The following IGF1R variants were observed in gnomAD, a reference collection of about 807,000 sequenced individuals.
IGF1R encodes insulin-like growth factor 1 receptor.
Under a neutral mutation model 144.6 loss-of-function variants are expected in IGF1R, and 44 were observed. That is an observed-to-expected ratio of 0.30 (90% CI 0.24 to 0.39). The LOEUF (loss-of-function observed/expected upper bound fraction) is 0.39. IGF1R is among the 10% of genes least tolerant of loss of function. The probability of loss-of-function intolerance (pLI) is 1.00; values close to 1 mark genes in which losing one functional copy is unlikely to be tolerated. For missense variants in IGF1R, 1,355 were observed against 1,833.7 expected (o/e 0.74, Z 4.77); for synonymous variants, 795 against 722.8 (o/e 1.10, Z -1.60).
At chr15:98,914,295 T>G (rs937835118) in intron 8 of IGF1R, among the ~76,000 whole-genome samples, 30 of 152,248 alleles carry the variant, frequency 2.0e-4, no homozygotes, top group African/African-American at 7.2e-4. Flanking sequence ...ATTCACTCTA[T>G]AGCACTGATA....
chr15:98,850,106 A>G (rs143795905), intron 2 of IGF1R, among the ~76,000 whole-genome samples: 2 of 152,340 alleles, frequency 1.3e-5, no homozygotes, highest in Non-Finnish European at 2.9e-5. Context: ...TTCAAATGGC[A>G]AAAGATGAAA....
intron 1 of IGF1R, among the ~76,000 whole-genome samples, chr15:98,661,339 A>G (rs1596151271): frequency 6.6e-6 from 1 of 152,262 alleles, no homozygotes; most frequent in South Asian, 2.1e-4. Flanking sequence ...CGACCTCTGG[A>G]CAGAAGAAAG....
chr15:98,920,543 A>G (rs1046117852), intron 10 of IGF1R, among the ~76,000 whole-genome samples: 1 of 152,186 alleles, frequency 6.6e-6, no homozygotes, highest in Non-Finnish European at 1.5e-5. Context: ...AAATTTGTTG[A>G]TGATGTGTTG....
chr15:98,945,110 T>G (rs1243934001), intron 19 of IGF1R, among the ~76,000 whole-genome samples: 1 of 152,234 alleles, frequency 6.6e-6, no homozygotes, highest in African/African-American at 2.4e-5. Flanking sequence ...AAGGGTGCCC[T>G]CTAGGCATGG....
At chr15:98,923,424 C>T (rs770371642) in intron 11 of IGF1R, among the ~76,000 whole-genome samples, 16 of 152,248 alleles carry the variant, frequency 1.1e-4, no homozygotes, top group African/African-American at 1.9e-4. Context: ...CTGTCACAGC[C>T]GGCAGGCCCC....
In IGF1R at chr15:98,934,854, G is replaced by A. The variant is rs750083612; in HGVS notation, c.2987G>A (p.Arg996Gln). The change falls in exon 16 of 21, where the codon CGG (arginine) becomes CAG (glutamine). Residue 996 changes from arginine to glutamine, a missense_variant. Around this residue, in one of 7 missense-constraint regions of IGF1R, gnomAD observed 880 missense variants for 1,202.7 expected, o/e 0.73. Coordinates refer to ENST00000650285, the MANE Select transcript of IGF1R (RefSeq NM_000875.5). Reference sequence around the variant, plus strand: ...GTTCCTGATGAGTGGGAGGTGGCTCGGGAGAAGATCACCATGAGCCGGGAA... The same window carrying A: ...GTTCCTGATGAGTGGGAGGTGGCTCAGGAGAAGATCACCATGAGCCGGGAA... ...VYVPDEWEVA[R>Q]EKITMSRELG... 1.2e-6 allele frequency: 2 copies of A among 1,614,058 alleles called. No individual in the cohort carries two copies. The highest frequency in any genetic ancestry group is 1.1e-5 in the South Asian group (1 of 91,072).
In IGF1R at chr15:98,895,046, A is replaced by G. The variant is rs1425404443; in HGVS notation, c.954-1711A>G. 2.0e-5 allele frequency among the ~76,000 whole-genome samples: 3 copies of G among 149,064 alleles called. No individual in the cohort carries two copies. The East Asian group carries it at 6.0e-4, about 30-fold the overall frequency. ...AAAAAAAAAAAAAAAGACAGATTGTAGACATGGAAAACAGATTAGTGGTTG... is the reference window on the plus strand; with the variant it reads ...AAAAAAAAAAAAAAAGACAGATTGTGGACATGGAAAACAGATTAGTGGTTG... On this transcript the variant is annotated intron_variant, in intron 3 of 20. Transcript: ENST00000650285.
At chr15:98,746,786 C>A (rs1276074143) in intron 2 of IGF1R, among the ~76,000 whole-genome samples, 1 of 152,052 alleles carries the variant, frequency 6.6e-6, no homozygotes, top group African/African-American at 2.4e-5. Context: ...GAGTTGAGGC[C>A]CCCAGGTGCA....
At position 98,740,883 on chromosome 15, in the gene IGF1R, G is replaced by A. The variant is rs45628334; in HGVS notation, c.640+32776G>A. Among the ~76,000 whole-genome samples the A allele has an allele frequency of 5.6e-3, 848 of 152,226 alleles. 7 individuals are homozygous for A. Among genetic ancestry groups the A allele is most frequent in the African/African-American group, 0.019 (804 of 41,534 alleles). On this transcript the variant is annotated intron_variant, in intron 2 of 20. Coordinates refer to ENST00000650285, the MANE Select transcript of IGF1R (RefSeq NM_000875.5). ...TATGTATCTGGACTGGCTTTTAAAAGATATTTAGTGAAATTTAATTTTCTA... is the reference window on the plus strand; with the variant it reads ...TATGTATCTGGACTGGCTTTTAAAAAATATTTAGTGAAATTTAATTTTCTA...
intron 1 of IGF1R, among the ~76,000 whole-genome samples, chr15:98,670,211 G>T (rs2052853397): frequency 6.6e-6 from 1 of 152,132 alleles, no homozygotes; most frequent in East Asian, 1.9e-4. Flanking sequence ...TATGAGTGAG[G>T]ATGGAGTGAG....
chr15:98,720,218 G>A (rs1437420917), intron 2 of IGF1R, among the ~76,000 whole-genome samples: 1 of 152,198 alleles, frequency 6.6e-6, no homozygotes, highest in Non-Finnish European at 1.5e-5. Context: ...GTGGCCTGGA[G>A]AATCAAATGA....
At chr15:98,802,867 G>T in intron 2 of IGF1R, among the ~76,000 whole-genome samples, 1 of 152,074 alleles carries the variant, frequency 6.6e-6, no homozygotes, top group East Asian at 1.9e-4. Context: ...TCCTAGATAG[G>T]AATTGTGCTA....
intron 2 of IGF1R, among the ~76,000 whole-genome samples, chr15:98,833,295 A>G (rs2057034290): frequency 6.6e-6 from 1 of 152,204 alleles, no homozygotes; most frequent in Non-Finnish European, 1.5e-5. Flanking sequence ...GATGGCTCTC[A>G]GTATTCTGTG....
chr15:98,915,001 C>T (rs1006461325), intron 8 of IGF1R, among the ~76,000 whole-genome samples: 1 of 152,178 alleles, frequency 6.6e-6, no homozygotes, highest in African/African-American at 2.4e-5. Flanking sequence ...TTGTGTGTAT[C>T]GTATAACCTG....
At chr15:98,700,598 A>G (rs2053705482) in intron 1 of IGF1R, among the ~76,000 whole-genome samples, 3 of 152,128 alleles carry the variant, frequency 2.0e-5, no homozygotes, top group Admixed American at 2.0e-4. Flanking sequence ...CACTCCTCCT[A>G]CAAGCAAAGT....
rs2012408607 is a variant in IGF1R, at chr15:98,865,814, C to G, written c.641-25511C>G. 2.0e-5 allele frequency among the ~76,000 whole-genome samples: 3 copies of G among 152,182 alleles called. No individual in the cohort carries two copies. The South Asian group carries it at 6.2e-4, about 31-fold the overall frequency. On this transcript the variant is annotated intron_variant, in intron 2 of 20. Coordinates refer to ENST00000650285, the MANE Select transcript of IGF1R (RefSeq NM_000875.5). Reference sequence around the variant, plus strand: ...CTCAGGATTCCCGTGGTTCACGATCCATTTTATGTTGGAAGGAAATCATTT... The same window carrying G: ...CTCAGGATTCCCGTGGTTCACGATCGATTTTATGTTGGAAGGAAATCATTT...
chr15:98,760,865 A>C (rs2055278801), intron 2 of IGF1R, among the ~76,000 whole-genome samples: 1 of 152,252 alleles, frequency 6.6e-6, no homozygotes, highest in African/African-American at 2.4e-5. Context: ...TACCACAGTG[A>C]TAAAAATGGG....
At chr15:98,753,656 A>G (rs965201348) in intron 2 of IGF1R, among the ~76,000 whole-genome samples, 3 of 151,954 alleles carry the variant, frequency 2.0e-5, no homozygotes, top group African/African-American at 7.3e-5. Context: ...GACTCATTTC[A>G]TTTAGCTTTT....
At chr15:98,685,574 C>G (rs2053306276) in intron 1 of IGF1R, among the ~76,000 whole-genome samples, 1 of 152,210 alleles carries the variant, frequency 6.6e-6, no homozygotes, top group African/African-American at 2.4e-5. Context: ...TTCCCAGTGG[C>G]TCTTTCCACG....
Sources: allele counts gnomAD v4.1 joint callset (sites outside exome capture counted in the v4.1 genomes callset), GRCh38; gene constraint gnomAD v4.1.1; regional missense constraint gnomAD v4.1.1; transcripts MANE v1.5; gene names NCBI Gene and HGNC (gene_info 2026-07-23, HGNC 2026-07-21).